Variants in SMCO2 observed in about 807,000 individuals in gnomAD.
SMCO2 encodes single-pass membrane protein with coiled-coil domains 2.
In SMCO2, 25 loss-of-function variants were observed where a neutral mutation model predicts 29.5. The ratio of observed to expected loss-of-function variants is 0.85; its 90% CI spans 0.62 to 1.18. The LOEUF (loss-of-function observed/expected upper bound fraction) is 1.18. Ranked by LOEUF, SMCO2 falls within the 50% of genes most tolerant of loss-of-function variation. The probability of loss-of-function intolerance (pLI) is 0.00; values close to 1 mark genes in which losing one functional copy is unlikely to be tolerated. For synonymous variants in SMCO2, 117 were observed against 123.3 expected (o/e 0.95, Z 0.34); for missense variants, 348 against 344.5 (o/e 1.01, Z -0.08).
the SMCO2 span, among the ~76,000 whole-genome samples, chr12:27,442,712 C>G: frequency 6.6e-6 from 1 of 152,210 alleles, no homozygotes; most frequent in East Asian, 1.9e-4. Context: ...CCTCAGCCTC[C>G]TGGGCTCAAG....
At chr12:27,460,370 C>A in the SMCO2 span, among the ~76,000 whole-genome samples, 7 of 152,116 alleles carry the variant, frequency 4.6e-5, no homozygotes, top group Non-Finnish European at 1.0e-4. Flanking sequence ...AGACCAGAAG[C>A]CTTATCAATT....
the SMCO2 span, among the ~76,000 whole-genome samples, chr12:27,458,521 T>G: frequency 6.6e-6 from 1 of 152,198 alleles, no homozygotes. Flanking sequence ...TAATATTATC[T>G]ACACTAAATT....
At chr12:27,449,562 A>T in the SMCO2 span, among the ~76,000 whole-genome samples, 10 of 152,244 alleles carry the variant, frequency 6.6e-5, no homozygotes, top group African/African-American at 2.4e-4. Flanking sequence ...TTTTCTGCAC[A>T]GAGAAAATGT....
chr12:27,479,801 C>A (rs941947028), intron 4 of SMCO2, among the ~76,000 whole-genome samples: 2 of 152,216 alleles, frequency 1.3e-5, no homozygotes, highest in African/African-American at 4.8e-5. Flanking sequence ...CCTTCATCTT[C>A]CACCATGATT....
At chr12:27,458,961 G>A in the SMCO2 span, among the ~76,000 whole-genome samples, 1 of 151,602 alleles carries the variant, frequency 6.6e-6, no homozygotes, top group Non-Finnish European at 1.5e-5. Context: ...GCCGAGGCGG[G>A]CAGATCACGA....
At chr12:27,462,397 C>A (rs1949465468), upstream of SMCO2, among the ~76,000 whole-genome samples, 1 of 152,130 alleles carries the variant, frequency 6.6e-6, no homozygotes, top group Non-Finnish European at 1.5e-5. Flanking sequence ...TATCATTTTA[C>A]TAACGGGCTA....
intron 6 of SMCO2, 88 bp downstream of exon 7, chr12:27,494,444 C>A: frequency 1.7e-6 from 1 of 604,832 alleles, no homozygotes. Flanking sequence ...TAGAATATGA[C>A]GGTGCACCAC....
At chr12:27,446,008 A>G in the SMCO2 span, among the ~76,000 whole-genome samples, 1 of 151,532 alleles carries the variant, frequency 6.6e-6, no homozygotes, top group Non-Finnish European at 1.5e-5. Flanking sequence ...GGTTCAAATG[A>G]TTCTCCTGCC....
chr12:27,439,001 T>G, the SMCO2 span, among the ~76,000 whole-genome samples: 2 of 152,186 alleles, frequency 1.3e-5, no homozygotes, highest in African/African-American at 4.8e-5. Context: ...TTACGGTTTC[T>G]GCACTGGAAA....
chr12:27,488,547 G>A, exon 5 of SMCO2: 1 of 1,533,716 alleles, frequency 6.5e-7, no homozygotes, highest in Non-Finnish European at 8.8e-7. Context: ...CAAGCACTGA[G>A]GTAAGCTAGA....
the SMCO2 span, among the ~76,000 whole-genome samples, chr12:27,459,079 C>A: frequency 2.0e-5 from 3 of 149,448 alleles, no homozygotes; most frequent in Admixed American, 1.3e-4. Context: ...CCCAGCTACT[C>A]GGGAGGCTGA....
chr12:27,494,221 T>C, intron 5 of SMCO2, 79 bp from the exon 7 acceptor site: 1 of 930,954 alleles, frequency 1.1e-6, no homozygotes, highest in Non-Finnish European at 1.5e-6. Flanking sequence ...ATAAGGTTTG[T>C]CAAAATAAGT....
the SMCO2 span, chr12:27,425,366 G>A: frequency 4.6e-5 from 7 of 151,956 alleles, no homozygotes; most frequent in East Asian, 9.6e-4. Flanking sequence ...GGGCAGAGGG[G>A]TACATTGAAC....
At chr12:27,447,440 A>G in the SMCO2 span, among the ~76,000 whole-genome samples, 1 of 152,030 alleles carries the variant, frequency 6.6e-6, no homozygotes, top group Non-Finnish European at 1.5e-5. Context: ...ACCAGCTGCA[A>G]CAGCCTCTTC....
At chr12:27,424,525 T>C in the SMCO2 span, 1 of 152,364 alleles carries the variant, frequency 6.6e-6, no homozygotes, top group Non-Finnish European at 1.5e-5. Flanking sequence ...TTATTTACAG[T>C]GTCACGACAG....
intron 2 of SMCO2, among the ~76,000 whole-genome samples, chr12:27,472,029 C>T (rs541489804): frequency 6.6e-6 from 1 of 152,214 alleles, no homozygotes; most frequent in South Asian, 2.1e-4. Flanking sequence ...TGATTGGAAA[C>T]ATTCTACCTA....
At chr12:27,474,745 A>G (rs886755276) in intron 3 of SMCO2, 41 bp from the exon 4 acceptor site, 53 of 1,549,828 alleles carry the variant, frequency 3.4e-5, no homozygotes, top group Non-Finnish European at 4.3e-5. Context: ...ATCTTGTACT[A>G]ACCTTTTGTT....
At chr12:27,471,802 A>G (rs1228258238) in intron 2 of SMCO2, among the ~76,000 whole-genome samples, 1 of 152,230 alleles carries the variant, frequency 6.6e-6, no homozygotes, top group African/African-American at 2.4e-5. Flanking sequence ...GATTTAGACA[A>G]GGAGTGGGAA....
chr12:27,452,059 G>T, the SMCO2 span, among the ~76,000 whole-genome samples: 1 of 152,314 alleles, frequency 6.6e-6, no homozygotes, highest in Non-Finnish European at 1.5e-5. Context: ...CTGTTCCAAG[G>T]ATATTTACAA....
Sources: gnomAD v4.1 joint callset for allele counts (sites outside exome capture counted in the v4.1 genomes callset) on GRCh38, gnomAD v4.1.1 for gene constraint, MANE v1.5 for transcripts, NCBI Gene and HGNC (gene_info 2026-07-23, HGNC 2026-07-21) for gene names.